The following THSD7A variants were observed in gnomAD, a reference collection of about 807,000 sequenced individuals.
THSD7A encodes thrombospondin type-1 domain-containing protein 7A.
In THSD7A, 96 loss-of-function variants were observed where a neutral mutation model predicts 231.3. That is an observed-to-expected ratio of 0.41 (90% CI 0.35 to 0.49). The LOEUF is 0.49. Ranked by LOEUF, THSD7A falls within the 20% of genes least tolerant of loss-of-function variation. The pLI is 0.05. For missense variants in THSD7A, 2,290 were observed against 2,070.2 expected, an observed-to-expected ratio of 1.11 and a Z score of -2.06; for synonymous variants, 940 against 743.3, an observed-to-expected ratio of 1.26 and a Z score of -4.30.
intron 1 of THSD7A, among the ~76,000 whole-genome samples, chr7:11,700,785 C>T (rs985173632): frequency 6.6e-6 from 1 of 150,966 alleles, no homozygotes; most frequent in Non-Finnish European, 1.5e-5. Context: ...TAAGTTATTC[C>T]TGTATTCATG....
chr7:11,428,183 TC>T (rs1336750459), intron 14 of THSD7A, among the ~76,000 whole-genome samples: 1 of 152,162 alleles, frequency 6.6e-6, no homozygotes, highest in Non-Finnish European at 1.5e-5. Flanking sequence ...TGATTTAAAT[TC>T]AAATACACAA....
intron 4 of THSD7A, among the ~76,000 whole-genome samples, chr7:11,578,048 C>T (rs1233645557): frequency 6.6e-6 from 1 of 152,028 alleles, no homozygotes; most frequent in Non-Finnish European, 1.5e-5. Flanking sequence ...AATGTTAGCC[C>T]ATGGCAGGAT....
chr7:11,736,845 C>A (rs987079920), intron 1 of THSD7A, among the ~76,000 whole-genome samples: 1 of 152,004 alleles, frequency 6.6e-6, no homozygotes, highest in Non-Finnish European at 1.5e-5. Context: ...TTCCCACAAT[C>A]CCCACCTGTC....
Position 11,678,395 on chromosome 7 carries a change from G to C in THSD7A, c.191-41434C>G, listed in dbSNP as rs562798126. On this transcript the variant is annotated intron_variant, in intron 1 of 27. Coordinates refer to ENST00000423059, the MANE Select transcript of THSD7A (RefSeq NM_015204.3). The stretch of plus-strand genomic sequence containing the variant: ...CACAAAAAACCCTTCAAAAAAATCA[G>C]TGAATACAGGAGCTGGTTTTTTTGA... 1.6e-4 allele frequency among the ~76,000 whole-genome samples: 25 copies of C among 152,038 alleles called. No homozygotes were observed. The East Asian group carries it at 1.9e-3, about 12-fold the overall frequency.
At chr7:11,796,269 T>G (rs1172927127) in intron 1 of THSD7A, among the ~76,000 whole-genome samples, 6 of 151,292 alleles carry the variant, frequency 4.0e-5, no homozygotes, top group African/African-American at 1.5e-4. Flanking sequence ...TCTATTCTTG[T>G]GACAAAATTT....
chr7:11,438,788 T>A (rs894249963), intron 13 of THSD7A, among the ~76,000 whole-genome samples: 2 of 151,998 alleles, frequency 1.3e-5, no homozygotes, highest in African/African-American at 4.8e-5. Flanking sequence ...GGATCATGAT[T>A]CTTAGAGCAC....
chr7:11,496,948 C>A (rs1042237694), intron 6 of THSD7A, among the ~76,000 whole-genome samples: 15 of 152,150 alleles, frequency 9.9e-5, no homozygotes, highest in African/African-American at 3.6e-4. Flanking sequence ...AGAAATTAAG[C>A]TATCCAACGT....
chr7:11,494,041 G>A (rs1433190181), intron 6 of THSD7A, among the ~76,000 whole-genome samples: 2 of 151,910 alleles, frequency 1.3e-5, no homozygotes, highest in African/African-American at 2.4e-5. Flanking sequence ...ACAGATAAAC[G>A]TTAGTGGGAA....
At chr7:11,818,557 A>T (rs768261691) in intron 1 of THSD7A, among the ~76,000 whole-genome samples, 2 of 152,130 alleles carry the variant, frequency 1.3e-5, no homozygotes, top group Non-Finnish European at 2.9e-5. Flanking sequence ...AGCACAGTGG[A>T]CCTTCACTGT....
chr7:11,594,698 T>G (rs1425385537), intron 2 of THSD7A, among the ~76,000 whole-genome samples: 1 of 152,110 alleles, frequency 6.6e-6, no homozygotes, highest in Non-Finnish European at 1.5e-5. Context: ...GGATTCTAAC[T>G]CCTAGCTTCA....
At chr7:11,639,502 T>A (rs112567469) in intron 1 of THSD7A, among the ~76,000 whole-genome samples, 22,457 of 151,754 alleles carry the variant, frequency 0.15, 1,772 homozygotes, top group Admixed American at 0.2. Context: ...ACCCTGTCTG[T>A]ACTAAAAATA....
intron 1 of THSD7A, among the ~76,000 whole-genome samples, chr7:11,722,161 G>A (rs1432280991): frequency 6.6e-6 from 1 of 151,822 alleles, no homozygotes; most frequent in Non-Finnish European, 1.5e-5. Context: ...AACCATAGGA[G>A]GAATTTAGTT....
intron 1 of THSD7A, among the ~76,000 whole-genome samples, chr7:11,749,576 G>C (rs981511418): frequency 2.0e-5 from 3 of 151,920 alleles, no homozygotes; most frequent in Non-Finnish European, 4.4e-5. Flanking sequence ...AATTGCTGAA[G>C]GGTATTTGTT....
intron 6 of THSD7A, among the ~76,000 whole-genome samples, chr7:11,526,429 T>C (rs536701717): frequency 4.6e-5 from 7 of 152,322 alleles, no homozygotes; most frequent in South Asian, 4.1e-4. Context: ...CCTTGGCACA[T>C]TGAGCATGTC....
intron 23 of THSD7A, among the ~76,000 whole-genome samples, chr7:11,394,360 C>CTCAATATTGA (rs1195802821): frequency 1.3e-5 from 2 of 152,118 alleles, no homozygotes; most frequent in Non-Finnish European, 2.9e-5. Flanking sequence ...AAAGGGCACA[C>CTCAATATTGA]TCAATATTGA....
At chr7:11,661,236 T>C (rs1463129322) in intron 1 of THSD7A, among the ~76,000 whole-genome samples, 1 of 151,398 alleles carries the variant, frequency 6.6e-6, no homozygotes, top group Non-Finnish European at 1.5e-5. Flanking sequence ...GTTAAGGTGA[T>C]CTCTCTCTAA....
At chr7:11,727,314 G>A (rs1204247784) in intron 1 of THSD7A, among the ~76,000 whole-genome samples, 1 of 151,546 alleles carries the variant, frequency 6.6e-6, no homozygotes, top group East Asian at 2.0e-4. Flanking sequence ...TTGCTCTCTT[G>A]TTCTTTTCTA....
intron 1 of THSD7A, among the ~76,000 whole-genome samples, chr7:11,811,521 C>T (rs1380691178): frequency 6.6e-6 from 1 of 152,146 alleles, no homozygotes; most frequent in Non-Finnish European, 1.5e-5. Context: ...TCCCTGAATA[C>T]TGACAGTCCT....
chr7:11,593,729 AAT>A (rs1460314951), intron 2 of THSD7A, among the ~76,000 whole-genome samples: 36 of 152,236 alleles, frequency 2.4e-4, no homozygotes, highest in African/African-American at 8.4e-4. Flanking sequence ...ATTCATAGGA[AAT>A]AGAAAATAAA....
Sources: gnomAD v4.1 joint callset for allele counts (sites outside exome capture counted in the v4.1 genomes callset) on GRCh38, gnomAD v4.1.1 for gene constraint, MANE v1.5 for transcripts, NCBI Gene and HGNC (gene_info 2026-07-23, HGNC 2026-07-21) for gene names.